Variants in HERC1 observed in about 807,000 individuals in gnomAD.
The protein encoded by HERC1 is probable E3 ubiquitin-protein ligase HERC1.
HERC1 carries 160 observed loss-of-function variants against 554.3 expected under a neutral mutation model. The observed-to-expected ratio is 0.29, with a 90% CI of 0.25 to 0.33. The LOEUF is 0.33. HERC1 is among the 10% of genes least tolerant of loss of function. The pLI is 1.00. For missense variants in HERC1, 4,919 were observed against 5,918.5 expected (o/e 0.83, Z 5.54); for synonymous variants, 2,175 against 2,131.7 (o/e 1.02, Z -0.56).
At chr15:63,762,095 A>G (rs755986838) in intron 3 of HERC1, among the ~76,000 whole-genome samples, 1 of 152,230 alleles carries the variant, frequency 6.6e-6, no homozygotes, top group Non-Finnish European at 1.5e-5. Flanking sequence ...AAAACTAGCT[A>G]GATGATTCCA....
chr15:63,711,199 C>A (rs539100103), intron 24 of HERC1, among the ~76,000 whole-genome samples: 1 of 152,214 alleles, frequency 6.6e-6, no homozygotes, highest in African/African-American at 2.4e-5. Context: ...GTGGCACATG[C>A]CTGTAATCTC....
intron 12 of HERC1, among the ~76,000 whole-genome samples, chr15:63,737,406 T>C (rs1318351671): frequency 2.2e-5 from 2 of 91,400 alleles, no homozygotes; most frequent in Non-Finnish European, 2.5e-5. Flanking sequence ...TCCAGATATA[T>C]ATATATATAT....
chr15:63,817,876 T>G (rs1270994574), intron 1 of HERC1, among the ~76,000 whole-genome samples: 2 of 151,928 alleles, frequency 1.3e-5, no homozygotes, highest in Non-Finnish European at 2.9e-5. Flanking sequence ...TAATATATAT[T>G]TAAAATATAC....
rs2070613341 is a variant in HERC1 at position 63,665,983 on chromosome 15, A to C, written c.8491T>G (p.Leu2831Val). ...SGGKSNDPCY[L>V]QSPGDIPSAD... Reference sequence around the variant, plus strand: ...GATGGTATGTCTCCAGGTGACTGCAAATAACAGGGATCATTTGACTTCCCG... The same window carrying C: ...GATGGTATGTCTCCAGGTGACTGCACATAACAGGGATCATTTGACTTCCCG... The change falls in exon 42 of 78, where the codon TTG becomes GTG. Residue 2831 changes from leucine (L) to valine (V), a missense_variant. Leu to Val is a conservative substitution (Grantham distance 32). Transcript: ENST00000443617. 6.2e-7 allele frequency: 1 copy of C among 1,613,930 alleles called. No individual in the cohort carries two copies. The highest frequency in any genetic ancestry group is 1.3e-5 in the African/African-American group (1 of 74,932).
chr15:63,638,885 TG>T, intron 61 of HERC1, 109 bp from the exon 62 acceptor site: 2 of 779,008 alleles, frequency 2.6e-6, no homozygotes, highest in Non-Finnish European at 4.4e-6. Context: ...AAAAAGAATA[TG>T]GTAATATTAT....
chr15:63,615,082 G>A (rs1228857787), intron 76 of HERC1, among the ~76,000 whole-genome samples: 1 of 152,174 alleles, frequency 6.6e-6, no homozygotes, highest in Admixed American at 6.5e-5. Flanking sequence ...GCATTTGAAG[G>A]TTCATTTACG....
Position 63,718,970 on chromosome 15 carries a change from A to C in HERC1, c.3743-73T>G. ...GTTCAGAGGTAATTTTTATAGCTTT[A>C]GTCATCCAACACCTGAATTTTATCA... On this transcript the variant is annotated intron_variant, in intron 19 of 77. Coordinates refer to ENST00000443617, the MANE Select transcript of HERC1 (RefSeq NM_003922.4). The surrounding 1 kb of genome is among the most constrained non-coding windows in gnomAD (Gnocchi z 4.2). 9.1e-6 allele frequency: 9 copies of C among 990,994 alleles called. No homozygotes were observed. Among genetic ancestry groups the C allele is most frequent in the Non-Finnish European group, 1.2e-5 (8 of 658,084 alleles). 61.4% of individuals were successfully genotyped at this position (990,994 alleles called of 1,614,324 possible).
rs1444822557 is a variant in HERC1, at chr15:63,680,960, T to A, written c.6226-184A>T. 2.6e-5 allele frequency among the ~76,000 whole-genome samples: 4 copies of A among 152,192 alleles called. No homozygotes were observed. The highest frequency in any genetic ancestry group is 6.5e-5 in the Admixed American group (1 of 15,278). On this transcript the variant is annotated intron_variant, in intron 34 of 77. Coordinates refer to ENST00000443617, the MANE Select transcript of HERC1 (RefSeq NM_003922.4). The surrounding 1 kb of genome is among the most constrained non-coding windows in gnomAD (Gnocchi z 5.8). The stretch of plus-strand genomic sequence containing the variant: ...ATCAATTTAGAAAGATTTTAAAACA[T>A]TCTTTATCTTGCAGGGCATTTAGAA...
intron 26 of HERC1, 109 bp from the exon 27 acceptor site, chr15:63,696,448 T>C (rs1407820150): frequency 4.2e-6 from 3 of 708,774 alleles, no homozygotes; most frequent in Non-Finnish European, 7.2e-6. Context: ...ACATTTCATA[T>C]GAATCTATTC....
At chr15:63,633,596 C>T (rs1305227323) in intron 67 of HERC1, among the ~76,000 whole-genome samples, 1 of 152,160 alleles carries the variant, frequency 6.6e-6, no homozygotes, top group Non-Finnish European at 1.5e-5. Flanking sequence ...AGAGGTCCTA[C>T]AGTGTGAAAC....
rs376689142 is a variant in HERC1 at position 63,802,094 on chromosome 15, G to A, written c.-26-26445C>T. ...AAGGGCATTTCTGAAAGTGCAGGAG[G>A]AAGAGCCCATTTGCAAAGTTCTATA... On this transcript the variant is annotated intron_variant, in intron 1 of 77. Transcript: ENST00000443617. Among the ~76,000 whole-genome samples, 57 of 152,270 alleles carry A rather than the reference G, an allele frequency of 3.7e-4. No individual in the cohort carries two copies. The East Asian group carries it at 7.3e-3, about 20-fold the overall frequency.
intron 1 of HERC1, among the ~76,000 whole-genome samples, chr15:63,805,096 G>A (rs1351335509): frequency 6.6e-6 from 1 of 152,078 alleles, no homozygotes; most frequent in African/African-American, 2.4e-5. Context: ...AGAAAAATGA[G>A]AATACATGAT....
chr15:63,754,770 G>T, intron 6 of HERC1, 122 bp from the exon 7 acceptor site: 1 of 966,522 alleles, frequency 1.0e-6, no homozygotes, highest in Non-Finnish European at 1.5e-6. Context: ...TTAATGCAAT[G>T]CAATATGAAA....
chr15:63,614,526 T>C (rs2067733419), intron 76 of HERC1, among the ~76,000 whole-genome samples: 1 of 152,210 alleles, frequency 6.6e-6, no homozygotes, highest in Non-Finnish European at 1.5e-5. Context: ...AGGCTAAAGA[T>C]ATCATTTTTC....
chr15:63,718,124 A>ACAT lies in HERC1; in HGVS notation c.3978+449_3978+450insATG, dbSNP rs61154847. ...CACACACACACACACACACACACAC[A>ACAT]ACCCCCTCCTTGGTTTTCACTTCTC... On this transcript the variant is annotated intron_variant, in intron 21 of 77. Transcript: ENST00000443617. The surrounding 1 kb of genome is among the most constrained non-coding windows in gnomAD (Gnocchi z 4.2). 2.0e-5 allele frequency among the ~76,000 whole-genome samples: 3 copies of ACAT among 148,182 alleles called. No individual in the cohort carries two copies. Among genetic ancestry groups the ACAT allele is most frequent in the African/African-American group, 5.0e-5 (2 of 40,298 alleles).
rs368224518 is a variant in HERC1 at position 63,690,554 on chromosome 15, T to C, written c.5924A>G (p.Asp1975Gly). 1 of 1,604,800 alleles carries C rather than the reference T, an allele frequency of 6.2e-7. No individual in the cohort carries two copies. Among genetic ancestry groups the C allele is most frequent in the Non-Finnish European group, 8.5e-7 (1 of 1,175,402 alleles). Residue 1975 changes from aspartate to glycine, a missense_variant, in exon 32 of 78, where the codon GAT (aspartate) becomes GGT (glycine). By Grantham distance (94) the Asp-to-Gly change is moderately conservative. This residue lies in a region of HERC1 where 1,121 missense variants were observed against 1,244.0 expected (regional missense o/e 0.90). Coordinates refer to ENST00000443617, the MANE Select transcript of HERC1 (RefSeq NM_003922.4). Reference protein sequence around the residue: ...LPACESGVEDDQMAQIVERLF... With the variant: ...LPACESGVEDGQMAQIVERLF... The stretch of plus-strand genomic sequence containing the variant: ...AAAAATAAAAACCTGGGCCATTTGA[T>C]CATCTTCTACACCAGATTCACAAGC...
intron 25 of HERC1, among the ~76,000 whole-genome samples, chr15:63,702,120 G>C (rs1475778203): frequency 6.6e-6 from 1 of 151,988 alleles, no homozygotes; most frequent in African/African-American, 2.4e-5. Context: ...GCTAAAAGGG[G>C]AAAAAAATTA....
intron 22 of HERC1, 94 bp from the exon 23 acceptor site, chr15:63,713,759 A>G: frequency 8.9e-7 from 1 of 1,121,982 alleles, no homozygotes; most frequent in Non-Finnish European, 1.2e-6. Context: ...TTGGACCAAA[A>G]ACTTACTGAA....
Position 63,718,083 on chromosome 15 carries a change from G to GACAC in HERC1, c.3978+487_3978+490dup, listed in dbSNP as rs34069674. Among the ~76,000 whole-genome samples, 2,673 of 75,638 alleles carry GACAC rather than the reference G, an allele frequency of 0.035. 91 individuals carry two copies. Among genetic ancestry groups the GACAC allele is most frequent in the East Asian group, 0.12 (581 of 4,748 alleles). 49.6% of individuals were successfully genotyped at this position (75,638 alleles called of 152,430 possible). A position where few individuals can be genotyped will look rare whatever the true frequency, so the allele number is the denominator to read the frequency against. The stretch of plus-strand genomic sequence containing the variant: ...AGTATTTTTAAGGCAGCTATTATGT[G>GACAC]ACACACACACACACACACACACACA... On this transcript the variant is annotated intron_variant, in intron 21 of 77. Transcript: ENST00000443617. This position sits in a 1 kb window ranked among gnomAD's most constrained non-coding sequence, Gnocchi z 4.2.
Sources: allele counts gnomAD v4.1 joint callset (sites outside exome capture counted in the v4.1 genomes callset), GRCh38; gene constraint gnomAD v4.1.1; regional missense constraint gnomAD v4.1.1; non-coding constraint Gnocchi (gnomAD v3.1); transcripts MANE v1.5; gene names NCBI Gene and HGNC (gene_info 2026-07-23, HGNC 2026-07-21).